Variants in MMP16 observed in about 807,000 individuals in gnomAD.
MMP16 encodes matrix metalloproteinase-16.
A neutral mutation model predicts 67.8 loss-of-function variants in MMP16; 12 were observed. That is an observed-to-expected ratio of 0.18 (90% CI 0.11 to 0.29). MMP16 has a LOEUF of 0.29. Ranked by LOEUF, MMP16 falls within the 10% of genes least tolerant of loss-of-function variation. MMP16 has a pLI of 1.00. For missense variants in MMP16, 475 were observed against 765.7 expected, an observed-to-expected ratio of 0.62 and a Z score of 4.48; for synonymous variants, 249 against 255.9, an observed-to-expected ratio of 0.97 and a Z score of 0.26.
At chr8:88,209,176 T>C (rs1300897566) in intron 1 of MMP16, among the ~76,000 whole-genome samples, 4 of 152,048 alleles carry the variant, frequency 2.6e-5, no homozygotes, top group Non-Finnish European at 5.9e-5. Flanking sequence ...TGTATTTCTG[T>C]ATGAGTGTGC....
At chr8:88,252,395 T>G (rs117892542) in intron 1 of MMP16, among the ~76,000 whole-genome samples, 1 of 152,066 alleles carries the variant, frequency 6.6e-6, no homozygotes, top group Non-Finnish European at 1.5e-5. Flanking sequence ...TCTCAGTCAC[T>G]ACAAGTAACA....
intron 4 of MMP16, among the ~76,000 whole-genome samples, chr8:88,128,724 C>T (rs1807976974): frequency 1.3e-5 from 2 of 151,728 alleles, no homozygotes; most frequent in African/African-American, 4.8e-5. Context: ...CTTCTAATCA[C>T]ATTGATAGAC....
rs544772984 is a variant in MMP16, at chr8:88,118,921, G to T, written c.710-60C>A. The stretch of plus-strand genomic sequence containing the variant: ...TAATATCCAAATACAGAATTGAAAA[G>T]GACAATTTGGTATTATCAACATTTT... On this transcript the variant is annotated intron_variant, in intron 4 of 9. Transcript: ENST00000286614. 130 of 1,493,008 alleles carry T rather than the reference G, an allele frequency of 8.7e-5. No individual in the cohort carries two copies. In the African/African-American group the frequency reaches 1.6e-3, roughly 19 times the overall value. 92.5% of individuals were successfully genotyped at this position (1,493,008 alleles called of 1,614,324 possible).
At chr8:88,214,489 T>C (rs1809558138) in intron 1 of MMP16, among the ~76,000 whole-genome samples, 1 of 152,196 alleles carries the variant, frequency 6.6e-6, no homozygotes, top group South Asian at 2.1e-4. Context: ...CCTCAACCTT[T>C]TAGTTTTTTT....
intron 3 of MMP16, among the ~76,000 whole-genome samples, chr8:88,176,028 A>G (rs1808884813): frequency 6.6e-6 from 1 of 152,190 alleles, no homozygotes; most frequent in Non-Finnish European, 1.5e-5. Context: ...TTACCCAGTC[A>G]TGAGTATTTC....
intron 6 of MMP16, among the ~76,000 whole-genome samples, chr8:88,091,242 T>C (rs942374827): frequency 3.3e-5 from 5 of 151,786 alleles, no homozygotes; most frequent in African/African-American, 9.7e-5. Flanking sequence ...TTGTTGAATA[T>C]TTTTTTCATA....
chr8:88,069,333 C>A (rs1031933353), intron 7 of MMP16: 2 of 385,470 alleles, frequency 5.2e-6, no homozygotes, highest in Non-Finnish European at 1.1e-5. Flanking sequence ...TTGTAAATGG[C>A]CTTTTATTTT....
intron 1 of MMP16, among the ~76,000 whole-genome samples, chr8:88,243,969 A>G (rs1810071822): frequency 6.6e-6 from 1 of 152,216 alleles, no homozygotes; most frequent in African/African-American, 2.4e-5. Context: ...GTAATTTTAT[A>G]TTTTAATACA....
At chr8:88,186,267 CA>C in intron 3 of MMP16, 1 of 432,786 alleles carries the variant, frequency 2.3e-6, no homozygotes, top group Non-Finnish European at 4.0e-6. Context: ...GAATAGTTTA[CA>C]AAAGAGCCCA....
Position 88,188,799 on chromosome 8 carries a change from G to A in MMP16, c.282-2201C>T, listed in dbSNP as rs184045180. Among the ~76,000 whole-genome samples the A allele has an allele frequency of 3.4e-4, 51 of 152,144 alleles. No homozygotes were observed. In the East Asian group the frequency reaches 9.7e-3, roughly 29 times the overall value. ...GCCTCCTGAGTAGCTGGGATTACAG[G>A]CATGCGCCACCACACCTGGCTAATT... On this transcript the variant is annotated intron_variant, in intron 2 of 9. Coordinates refer to ENST00000286614, the MANE Select transcript of MMP16 (RefSeq NM_005941.5).
rs535739923 is a variant in MMP16, at chr8:88,285,494, CAAAG to C, written c.132+41577_132+41580del. The stretch of plus-strand genomic sequence containing the variant: ...CATTTTATCTTTAGACAACAAAACT[CAAAG>C]AAGCTCCTCCATGAAAAGTTCTTCA... On this transcript the variant is annotated intron_variant, in intron 1 of 9. Coordinates refer to ENST00000286614, the MANE Select transcript of MMP16 (RefSeq NM_005941.5). 7.4e-4 allele frequency among the ~76,000 whole-genome samples: 112 copies of C among 152,178 alleles called. 1 individual carries two copies. Among genetic ancestry groups the C allele is most frequent in the South Asian group, 2.9e-3 (14 of 4,816 alleles).
chr8:88,150,871 T>A (rs1237437882), intron 4 of MMP16, among the ~76,000 whole-genome samples: 1 of 143,898 alleles, frequency 6.9e-6, no homozygotes, highest in Non-Finnish European at 1.5e-5. Flanking sequence ...AATATTAACT[T>A]TAAATGTAAA....
intron 1 of MMP16, among the ~76,000 whole-genome samples, chr8:88,223,575 A>C (rs1260494002): frequency 6.6e-6 from 1 of 151,306 alleles, no homozygotes; most frequent in Non-Finnish European, 1.5e-5. Context: ...CATCATTCTG[A>C]GCAAACTATG....
At chr8:88,082,667 A>T (rs1033602223) in intron 6 of MMP16, among the ~76,000 whole-genome samples, 2 of 152,138 alleles carry the variant, frequency 1.3e-5, no homozygotes, top group Non-Finnish European at 2.9e-5. Context: ...CTTACTAAAC[A>T]GATAGCACAG....
At chr8:88,069,504 G>C (rs1468185360) in intron 7 of MMP16, 1 of 517,726 alleles carries the variant, frequency 1.9e-6, no homozygotes, top group African/African-American at 2.2e-5. Flanking sequence ...TTGGATTATA[G>C]ATAGAGTGTC....
At chr8:88,138,737 G>A (rs145006347) in intron 4 of MMP16, among the ~76,000 whole-genome samples, 8 of 152,098 alleles carry the variant, frequency 5.3e-5, no homozygotes, top group African/African-American at 1.9e-4. Context: ...ACCTTTCTTT[G>A]GTTCCTTTTT....
chr8:88,055,175 A>G (rs149570176), intron 8 of MMP16, among the ~76,000 whole-genome samples: 7 of 152,216 alleles, frequency 4.6e-5, no homozygotes, highest in African/African-American at 1.7e-4. Context: ...CTAGGGCTAT[A>G]TCTGCCTAAA....
chr8:88,157,865 C>T (rs1487371525), intron 4 of MMP16, among the ~76,000 whole-genome samples: 1 of 146,466 alleles, frequency 6.8e-6, no homozygotes, highest in Non-Finnish European at 1.5e-5. Flanking sequence ...TTTTCCCCTT[C>T]CTGTGTCCAA....
chr8:88,235,767 C>A (rs1389401626), intron 1 of MMP16, among the ~76,000 whole-genome samples: 1 of 152,234 alleles, frequency 6.6e-6, no homozygotes, highest in African/African-American at 2.4e-5. Context: ...TGTCAACAGG[C>A]CATGCTCCCT....
Sources: gnomAD v4.1 joint callset for allele counts (sites outside exome capture counted in the v4.1 genomes callset) on GRCh38, gnomAD v4.1.1 for gene constraint, MANE v1.5 for transcripts, NCBI Gene and HGNC (gene_info 2026-07-23, HGNC 2026-07-21) for gene names.